The following MCM5 variants were observed in gnomAD, a reference collection of about 807,000 sequenced individuals.
MCM5 encodes DNA replication licensing factor MCM5.
In MCM5, 46 loss-of-function variants were observed where a neutral mutation model predicts 79.9. The ratio of observed to expected loss-of-function variants is 0.58; its 90% CI spans 0.45 to 0.74. MCM5 has a LOEUF of 0.74. Among genes scored for constraint, MCM5 ranks in the 30% least tolerant of loss-of-function variants. The pLI, the probability that MCM5 is intolerant of heterozygous loss-of-function variation, is 0.00. For missense variants in MCM5, 883 were observed against 1,017.0 expected (o/e 0.87, Z 1.79); for synonymous variants, 404 against 390.5 (o/e 1.03, Z -0.41).
downstream of MCM5, among the ~76,000 whole-genome samples, chr22:35,427,379 A>G (rs1432574660): frequency 6.6e-6 from 1 of 152,208 alleles, no homozygotes; most frequent in Non-Finnish European, 1.5e-5. Flanking sequence ...AATTTCTAAA[A>G]TGCGAAAGTT....
chr22:35,435,424 G>A, the MCM5 span, among the ~76,000 whole-genome samples: 1 of 152,200 alleles, frequency 6.6e-6, no homozygotes, highest in African/African-American at 2.4e-5. Context: ...GGCTCCTCCT[G>A]GTGCTGGTGG....
chr22:35,414,558 G>A (rs1457157488), intron 9 of MCM5, among the ~76,000 whole-genome samples: 2 of 151,800 alleles, frequency 1.3e-5, no homozygotes, highest in African/African-American at 4.8e-5. Context: ...CGGGGAGGTT[G>A]CAGTGAGCCA....
intron 6 of MCM5, chr22:35,409,449 C>G (rs1404221791): frequency 6.6e-6 from 1 of 152,284 alleles, no homozygotes. Flanking sequence ...GGGCAGACAC[C>G]TATAATCCCA....
Position 35,408,429 on chromosome 22 carries a change from A to G in MCM5, c.618A>G (p.Lys206=). The G allele has an allele frequency of 6.2e-7, 1 of 1,614,056 alleles. No homozygotes were observed. Among genetic ancestry groups the G allele is most frequent in the Non-Finnish European group, 8.5e-7 (1 of 1,179,950 alleles). Residue 206 remains lysine, a synonymous_variant, in exon 6 of 17, where the codon AAA becomes AAG. Coordinates refer to ENST00000216122, the MANE Select transcript of MCM5 (RefSeq NM_006739.4). ...KCNTDQAGRP[K]CPLDPYFIMP... The stretch of plus-strand genomic sequence containing the variant: ...ACAGAGATCAGGCTGGGCGCCCCAA[A>G]TGCCCATTGGACCCGTACTTCATCA...
chr22:35,410,778 G>T lies in MCM5; in HGVS notation c.787G>T (p.Val263Phe). Residue 263 changes from valine (V) to phenylalanine (F), a missense_variant, in exon 7 of 17, where the codon GTT (valine) becomes TTT (phenylalanine). Around this residue, in one of 3 missense-constraint regions of MCM5, gnomAD observed 455 missense variants for 517.5 expected, o/e 0.88. Transcript: ENST00000216122. Reference protein sequence around the residue: ...LCDKVVPGNRVTIMGIYSIKK... With the variant: ...LCDKVVPGNRFTIMGIYSIKK... ...TGACAAGGTCGTCCCTGGGAACAGG[G>T]TTACCATCATGGGCATCTACTCCAT... 3 of 1,614,112 alleles carry T rather than the reference G, an allele frequency of 1.9e-6. No homozygotes were observed. Among genetic ancestry groups the T allele is most frequent in the African/African-American group, 1.3e-5 (1 of 75,020 alleles).
At chr22:35,447,098 G>A in the MCM5 span, among the ~76,000 whole-genome samples, 1 of 152,148 alleles carries the variant, frequency 6.6e-6, no homozygotes, top group East Asian at 1.9e-4. Context: ...GGTCCTGCTG[G>A]CCCTTCCTGG....
In MCM5 at chr22:35,425,351, A is replaced by ATTGT. The variant is rs1932768785; in HGVS notation, c.*1096_*1097insTTGT. 6.6e-6 allele frequency: 1 copy of ATTGT among 152,258 alleles called. No homozygotes were observed. The highest frequency in any genetic ancestry group is 1.5e-5 in the Non-Finnish European group (1 of 68,054). The allele number at this position is 152,258 out of a possible 1,614,324, so 9.4% of individuals were successfully genotyped here. On this transcript the variant is annotated 3_prime_UTR_variant, in exon 17 of 17. Transcript: ENST00000216122. ...TATGGAACATTAGATAAGGTATTTA[A>ATTGT]AAGTAATTGCCATGTAAAAATGACA...
At chr22:35,438,303 C>T in the MCM5 span, among the ~76,000 whole-genome samples, 1 of 83,812 alleles carries the variant, frequency 1.2e-5, no homozygotes, top group African/African-American at 5.6e-5. Context: ...ACCCACTCAC[C>T]TATTCATCCG....
At chr22:35,452,506 C>T in the MCM5 span, among the ~76,000 whole-genome samples, 1 of 152,212 alleles carries the variant, frequency 6.6e-6, no homozygotes, top group Admixed American at 6.5e-5. Context: ...TCACGTTCCT[C>T]CACGGTAAAG....
downstream of MCM5, among the ~76,000 whole-genome samples, chr22:35,427,881 A>G (rs1274867380): frequency 6.6e-6 from 1 of 152,112 alleles, no homozygotes; most frequent in Non-Finnish European, 1.5e-5. Context: ...GTGGTTAAGA[A>G]CATGGACTTG....
intron 9 of MCM5, among the ~76,000 whole-genome samples, chr22:35,415,433 A>G (rs909884748): frequency 3.3e-5 from 5 of 151,930 alleles, no homozygotes; most frequent in African/African-American, 1.2e-4. Flanking sequence ...GTAGGTCTAT[A>G]TAGAGACGAC....
chr22:35,428,756 G>A (rs1374622852), downstream of MCM5, among the ~76,000 whole-genome samples: 1 of 151,886 alleles, frequency 6.6e-6, no homozygotes, highest in Non-Finnish European at 1.5e-5. Flanking sequence ...CCTACTCAGG[G>A]CTCACCACCA....
chr22:35,447,132 C>T, the MCM5 span, among the ~76,000 whole-genome samples: 3 of 152,044 alleles, frequency 2.0e-5, no homozygotes, highest in Admixed American at 6.5e-5. Context: ...GCATCAGCCT[C>T]GGGCTTCCCG....
At position 35,404,993 on chromosome 22, in the gene MCM5, A is replaced by G. The variant is rs577309561; in HGVS notation, c.423+1451A>G. ...ACGAATCCTCTTGTACTCATCACCC[A>G]GCTTAATAATTAGCAACTAGAGGCC... is the stretch of plus-strand genomic sequence containing the variant. On this transcript the variant is annotated intron_variant, in intron 4 of 16. Transcript: ENST00000216122. 6.6e-5 allele frequency among the ~76,000 whole-genome samples: 10 copies of G among 151,382 alleles called. No individual in the cohort carries two copies. The South Asian group carries it at 1.9e-3, about 28-fold the overall frequency.
chr22:35,453,417 C>CAGAG, the MCM5 span, among the ~76,000 whole-genome samples: 1 of 151,346 alleles, frequency 6.6e-6, no homozygotes, highest in African/African-American at 2.4e-5. Context: ...CAGAGTGATT[C>CAGAG]AGAGAGACAC....
chr22:35,403,307 A>G lies in MCM5; in HGVS notation c.268A>G (p.Lys90Glu). Residue 90 changes from lysine to glutamate, a missense_variant, in exon 3 of 17, where the codon AAG becomes GAG. Physicochemically the swap from Lys to Glu is moderately conservative, Grantham distance 56. Around this residue, in one of 3 missense-constraint regions of MCM5, gnomAD observed 455 missense variants for 517.5 expected, o/e 0.88. Transcript: ENST00000216122. The stretch of plus-strand genomic sequence containing the variant: ...TGAGGACCTGGCCGACTACTTGTAC[A>G]AGCAGCCAGCCGAGCACCTGCAGCT... Reference protein sequence around the residue: ...FDEDLADYLYKQPAEHLQLLE... With the variant: ...FDEDLADYLYEQPAEHLQLLE... The G allele has an allele frequency of 6.2e-7, 1 of 1,614,124 alleles. No individual in the cohort carries two copies. Among genetic ancestry groups the G allele is most frequent in the Non-Finnish European group, 8.5e-7 (1 of 1,180,004 alleles).
rs534037880 is a variant in MCM5 at position 35,404,636 on chromosome 22, G to GGTGGT, written c.423+1096_423+1100dup. Among the ~76,000 whole-genome samples, 10 of 152,354 alleles carry GGTGGT rather than the reference G, an allele frequency of 6.6e-5. No homozygotes were observed. The South Asian group carries it at 1.9e-3, about 28-fold the overall frequency. On this transcript the variant is annotated intron_variant, in intron 4 of 16. Coordinates refer to ENST00000216122, the MANE Select transcript of MCM5 (RefSeq NM_006739.4). ...TGAGACTGACCAGGTGCTAGGTTGAGGTGGTGATGGTCACTTTATTGTAAT... is the reference window on the plus strand; with the variant it reads ...TGAGACTGACCAGGTGCTAGGTTGAGGTGGTGTGGTGATGGTCACTTTATTGTAAT...
the MCM5 span, among the ~76,000 whole-genome samples, chr22:35,448,017 C>T: frequency 1.8e-3 from 270 of 152,304 alleles, no homozygotes; most frequent in African/African-American, 5.9e-3. Flanking sequence ...GAAACAACAA[C>T]GCCCTTTCCC....
intron 16 of MCM5, 108 bp from the exon 17 acceptor site, chr22:35,424,046 G>A (rs1050167): frequency 1.4e-6 from 1 of 694,392 alleles, no homozygotes; most frequent in African/African-American, 1.8e-5. Flanking sequence ...GGGCCCTTTA[G>A]GTCAAAGGAG....
Sources: allele counts gnomAD v4.1 joint callset (sites outside exome capture counted in the v4.1 genomes callset), GRCh38; gene constraint gnomAD v4.1.1; regional missense constraint gnomAD v4.1.1; transcripts MANE v1.5; gene names NCBI Gene and HGNC (gene_info 2026-07-23, HGNC 2026-07-21).